ADGRL1: variants seen among roughly 807,000 people sequenced by gnomAD.
ADGRL1 encodes the protein CIRL-1.
In ADGRL1, 31 loss-of-function variants were observed where a neutral mutation model predicts 148.9. The observed-to-expected ratio is 0.21, with a 90% CI of 0.16 to 0.28. The LOEUF (loss-of-function observed/expected upper bound fraction) is 0.28. Ranked by LOEUF, ADGRL1 falls within the 10% of genes least tolerant of loss-of-function variation. The probability of loss-of-function intolerance (pLI) is 1.00; values close to 1 mark genes in which losing one functional copy is unlikely to be tolerated. For missense variants in ADGRL1, 1,521 were observed against 2,058.8 expected, an observed-to-expected ratio of 0.74 and a Z score of 5.05; for synonymous variants, 937 against 900.3, an observed-to-expected ratio of 1.04 and a Z score of -0.73.
At chr19:14,171,677 G>C (rs576221838) in intron 3 of ADGRL1, among the ~76,000 whole-genome samples, 1 of 152,258 alleles carries the variant, frequency 6.6e-6, no homozygotes, top group African/African-American at 2.4e-5. Flanking sequence ...CCCACCCTTT[G>C]GGCAGTGCTG....
rs369804811 is a variant in ADGRL1 at position 14,147,802 on chromosome 19, CTTTT to C, written c.*3067_*3070del. 6.6e-6 allele frequency: 1 copy of C among 152,386 alleles called. No homozygotes were observed. The highest frequency in any genetic ancestry group is 2.4e-5 in the African/African-American group (1 of 41,400). 9.4% of individuals were successfully genotyped at this position (152,386 alleles called of 1,614,324 possible). ...TTTTGACTCAACAATTTTTTTAAAA[CTTTT>C]TGTTTTTTTCTGAAACGTTCTTGTT... On this transcript the variant is annotated 3_prime_UTR_variant, in exon 23 of 23. Transcript: ENST00000361434.
At chr19:14,202,364 C>T (rs144974892) in intron 1 of ADGRL1, among the ~76,000 whole-genome samples, 1 of 152,054 alleles carries the variant, frequency 6.6e-6, no homozygotes, top group Non-Finnish European at 1.5e-5. Context: ...GCAATCCTCC[C>T]GCCTCAGCCT....
At chr19:14,184,885 C>T (rs779564769) in intron 1 of ADGRL1, among the ~76,000 whole-genome samples, 6 of 152,016 alleles carry the variant, frequency 3.9e-5, no homozygotes, top group Admixed American at 1.3e-4. Context: ...GTGATCCGCC[C>T]GTCTCGGCCT....
intron 1 of ADGRL1, among the ~76,000 whole-genome samples, chr19:14,191,671 G>C (rs1971947823): frequency 6.6e-6 from 1 of 151,934 alleles, no homozygotes; most frequent in South Asian, 2.1e-4. Context: ...ATGCATAAAG[G>C]GAGACAGATC....
rs900637620 is a variant in ADGRL1 at position 14,152,946 on chromosome 19, A to G, written c.3295-34T>C. ...TGGAGGACAGTCAGCTGGCTGGGAC[A>G]CTGGCCTCCTCTGTGATCCAGTCTC... On this transcript the variant is annotated intron_variant, in intron 18 of 22. Coordinates refer to ENST00000361434, the MANE Select transcript of ADGRL1 (RefSeq NM_014921.5). The surrounding 1 kb of genome is among the most constrained non-coding windows in gnomAD (Gnocchi z 6.1). The G allele has an allele frequency of 4.3e-6, 7 of 1,609,458 alleles. No individual in the cohort carries two copies. Among genetic ancestry groups the G allele is most frequent in the Non-Finnish European group, 4.2e-6 (5 of 1,178,208 alleles).
chr19:14,159,682 C>A lies in ADGRL1; in HGVS notation c.1839+53G>T, dbSNP rs1467620196. On this transcript the variant is annotated intron_variant, in intron 9 of 22. Coordinates refer to ENST00000361434, the MANE Select transcript of ADGRL1 (RefSeq NM_014921.5). The surrounding 1 kb of genome is among the most constrained non-coding windows in gnomAD (Gnocchi z 6.0). ...CCTCTTCTCAACCTCCACCCCTAAT[C>A]CCCCCATCAGCTGGAGCCCACGGTC... is the stretch of plus-strand genomic sequence containing the variant. 3.1e-6 allele frequency: 5 copies of A among 1,600,954 alleles called. No individual in the cohort carries two copies. The highest frequency in any genetic ancestry group is 2.2e-5 in the East Asian group (1 of 44,786).
intron 1 of ADGRL1, among the ~76,000 whole-genome samples, chr19:14,190,440 A>AT (rs1971857099): frequency 6.6e-6 from 1 of 151,546 alleles, no homozygotes; most frequent in African/African-American, 2.4e-5. Context: ...CTGATTTTAA[A>AT]TTTTTTTGTG....
chr19:14,164,102 C>CA (rs1568589942), intron 4 of ADGRL1, among the ~76,000 whole-genome samples: 2 of 150,768 alleles, frequency 1.3e-5, no homozygotes. Flanking sequence ...CCCCACCCCC[C>CA]ACCCAGTACC....
chr19:14,170,621 C>T (rs1970386540), intron 4 of ADGRL1, 61 bp downstream of exon 4: 1 of 1,004,878 alleles, frequency 1.0e-6, no homozygotes, highest in South Asian at 1.4e-5. Context: ...GTCAAGGTGT[C>T]TCCTCCTCAC....
At chr19:14,189,050 C>A (rs1382990866) in intron 1 of ADGRL1, among the ~76,000 whole-genome samples, 3 of 152,124 alleles carry the variant, frequency 2.0e-5, no homozygotes, top group Non-Finnish European at 4.4e-5. Context: ...TCGTGCCCAG[C>A]CTCCAAAACT....
Position 14,162,599 on chromosome 19 carries a change from T to C in ADGRL1, c.1195+7A>G. 6.3e-7 allele frequency: 1 copy of C among 1,596,732 alleles called. No individual in the cohort carries two copies. The highest frequency in any genetic ancestry group is 1.1e-5 in the South Asian group (1 of 89,004). On this transcript the variant is annotated splice_region_variant and intron_variant, in intron 5 of 22. Coordinates refer to ENST00000361434, the MANE Select transcript of ADGRL1 (RefSeq NM_014921.5). The surrounding 1 kb of genome is among the most constrained non-coding windows in gnomAD (Gnocchi z 5.4). ...AGGCTCCATGCCTGGAAGTGAGTCG[T>C]CCTCACCAGCACTGGGGTCGGGCGG...
Position 14,159,676 on chromosome 19 carries a change from C to G in ADGRL1, c.1839+59G>C. On this transcript the variant is annotated intron_variant, in intron 9 of 22. Coordinates refer to ENST00000361434, the MANE Select transcript of ADGRL1 (RefSeq NM_014921.5). This position sits in a 1 kb window ranked among gnomAD's most constrained non-coding sequence, Gnocchi z 6.0. ...GCATGCCCTCTTCTCAACCTCCACC[C>G]CTAATCCCCCCATCAGCTGGAGCCC... 1 of 1,603,538 alleles carries G rather than the reference C, an allele frequency of 6.2e-7. No homozygotes were observed. Among genetic ancestry groups the G allele is most frequent in the Non-Finnish European group, 8.5e-7 (1 of 1,170,902 alleles).
At position 14,167,363 on chromosome 19, in the gene ADGRL1, G is replaced by A. The variant is rs551870423; in HGVS notation, c.394+3319C>T. On this transcript the variant is annotated intron_variant, in intron 4 of 22. Coordinates refer to ENST00000361434, the MANE Select transcript of ADGRL1 (RefSeq NM_014921.5). ...ACAGGCAGGCAGACAGAGCCCTCAGGTGGGAGGGGGCACCCTTGGTGCAAG... is the reference window on the plus strand; with the variant it reads ...ACAGGCAGGCAGACAGAGCCCTCAGATGGGAGGGGGCACCCTTGGTGCAAG... Among the ~76,000 whole-genome samples, 35 of 152,090 alleles carry A rather than the reference G, an allele frequency of 2.3e-4. No individual in the cohort carries two copies. The East Asian group carries it at 6.4e-3, about 28-fold the overall frequency.
At position 14,151,178 on chromosome 19, in the gene ADGRL1, G is replaced by T. The variant is rs1968142175; in HGVS notation, c.4105C>A (p.Pro1369Thr). 1 of 1,609,854 alleles carries T rather than the reference G, an allele frequency of 6.2e-7. No homozygotes were observed. The change falls in exon 23 of 23, where the codon CCC becomes ACC. Residue 1369 changes from proline to threonine, a missense_variant. Physicochemically the swap from Pro to Thr is conservative, Grantham distance 38. Transcript: ENST00000361434. Reference protein sequence around the residue: ...CTAEDGATSRPLSSPPGRDSL... With the variant: ...CTAEDGATSRTLSSPPGRDSL... ...TCCCGGCCAGGAGGGGAGGAGAGGGGCCGGCTGGTGGCGCCGTCCTCGGCC... is the reference window on the plus strand; with the variant it reads ...TCCCGGCCAGGAGGGGAGGAGAGGGTCCGGCTGGTGGCGCCGTCCTCGGCC...
intron 1 of ADGRL1, among the ~76,000 whole-genome samples, chr19:14,185,876 C>T (rs1222468780): frequency 6.6e-6 from 1 of 152,230 alleles, no homozygotes; most frequent in Non-Finnish European, 1.5e-5. Flanking sequence ...GCAGGCCTTG[C>T]CCCAGGGCCT....
chr19:14,173,530 G>A (rs1970618105), intron 3 of ADGRL1, among the ~76,000 whole-genome samples: 2 of 152,144 alleles, frequency 1.3e-5, no homozygotes, highest in African/African-American at 2.4e-5. Context: ...GTGGGTAAGT[G>A]GGGATTACTG....
In ADGRL1 at chr19:14,159,104, T is replaced by C; in HGVS notation, c.2135A>G (p.Gln712Arg). Residue 712 changes from glutamine to arginine, a missense_variant, in exon 11 of 23, where the codon CAG becomes CGG. Gln to Arg is a conservative substitution (Grantham distance 43). Around this residue, in one of 8 missense-constraint regions of ADGRL1, gnomAD observed 265 missense variants for 431.9 expected, o/e 0.61. Transcript: ENST00000361434. The surrounding 1 kb of genome is among the most constrained non-coding windows in gnomAD (Gnocchi z 6.0). ...SIQLSAKTIK[Q>R]NSRNGVVKVV... ...GGGACACTGACCATTGCGGCTGTTC[T>C]GCTTGATGGTTTTGGCAGACAGCTG... 6.2e-7 allele frequency: 1 copy of C among 1,614,074 alleles called. No individual in the cohort carries two copies.
In ADGRL1 at chr19:14,159,184, G is replaced by T. The variant is rs759804857; in HGVS notation, c.2055C>A (p.Gly685=). 6.2e-6 allele frequency: 10 copies of T among 1,614,082 alleles called. No individual in the cohort carries two copies. The South Asian group carries it at 1.1e-4, about 18-fold the overall frequency. Residue 685 remains glycine (G), a synonymous_variant, in exon 11 of 23, where the codon GGC becomes GGA. Coordinates refer to ENST00000361434, the MANE Select transcript of ADGRL1 (RefSeq NM_014921.5). This position sits in a 1 kb window ranked among gnomAD's most constrained non-coding sequence, Gnocchi z 6.0. ...GGGGGAACACCAGCTCCTGCACCTG[G>T]CCCTCTGTGTTCAGGACTGTGACCT... The part of the protein sequence containing the change: ...VLEVTVLNTE[G]QVQELVFPQE...
intron 3 of ADGRL1, among the ~76,000 whole-genome samples, chr19:14,171,425 AAGG>A (rs1211520380): frequency 2.0e-5 from 3 of 152,122 alleles, no homozygotes; most frequent in Admixed American, 6.5e-5. Flanking sequence ...CAGGGCTAAG[AAGG>A]AGGAGTCACC....
Sources: gnomAD v4.1 joint callset for allele counts (sites outside exome capture counted in the v4.1 genomes callset) on GRCh38, gnomAD v4.1.1 for gene constraint, gnomAD v4.1.1 regional missense constraint, Gnocchi (gnomAD v3.1) non-coding constraint, MANE v1.5 for transcripts, NCBI Gene and HGNC (gene_info 2026-07-23, HGNC 2026-07-21) for gene names.